Variants in VDAC2 observed in about 807,000 individuals in gnomAD.
VDAC2 encodes the protein non-selective voltage-gated ion channel VDAC2.
Under a neutral mutation model 36.6 loss-of-function variants are expected in VDAC2, and 6 were observed. The observed-to-expected ratio is 0.16, with a 90% CI of 0.09 to 0.32. VDAC2 has a LOEUF of 0.32. Among genes scored for constraint, VDAC2 ranks in the 10% least tolerant of loss-of-function variants. The pLI is 1.00. For synonymous variants in VDAC2, 109 were observed against 123.8 expected (o/e 0.88, Z 0.79); for missense variants, 247 against 346.0 (o/e 0.71, Z 2.27).
At chr10:75,213,698 C>G (rs1018637412) in intron 3 of VDAC2, among the ~76,000 whole-genome samples, 1 of 152,066 alleles carries the variant, frequency 6.6e-6, no homozygotes, top group Non-Finnish European at 1.5e-5. Flanking sequence ...GAGCTGAGAT[C>G]GTGCCACTGC....
chr10:75,220,017 A>C (rs754087458), intron 6 of VDAC2, among the ~76,000 whole-genome samples: 1 of 149,466 alleles, frequency 6.7e-6, no homozygotes, highest in Non-Finnish European at 1.5e-5. Context: ...TGGTAGAGAC[A>C]GGGTTTCACC....
chr10:75,222,561 T>C (rs754119921), intron 8 of VDAC2, among the ~76,000 whole-genome samples, 159 bp downstream of exon 8: 1 of 152,242 alleles, frequency 6.6e-6, no homozygotes, highest in African/African-American at 2.4e-5. Flanking sequence ...ATGGATACAG[T>C]GTTAGACGTT....
At chr10:75,228,572 G>T (rs1842024202) in intron 8 of VDAC2, among the ~76,000 whole-genome samples, 1 of 152,188 alleles carries the variant, frequency 6.6e-6, no homozygotes, top group Non-Finnish European at 1.5e-5. Flanking sequence ...TTCTTTAGAT[G>T]GTCATTGGTA....
intron 4 of VDAC2, among the ~76,000 whole-genome samples, chr10:75,214,364 T>G (rs971168056): frequency 6.6e-6 from 1 of 152,200 alleles, no homozygotes; most frequent in Non-Finnish European, 1.5e-5. Flanking sequence ...TATTAGACTT[T>G]TTTGTAACCC....
intron 4 of VDAC2, 123 bp from the exon 5 acceptor site, chr10:75,218,940 C>G: frequency 1.1e-6 from 1 of 943,280 alleles, no homozygotes; most frequent in South Asian, 1.9e-5. Context: ...GTTTAGGAAG[C>G]TAGAAAAAGG....
chr10:75,212,755 TTC>T (rs1349048163), intron 3 of VDAC2, among the ~76,000 whole-genome samples: 3 of 152,216 alleles, frequency 2.0e-5, no homozygotes, highest in African/African-American at 7.2e-5. Context: ...GTGAAAATAG[TTC>T]TTTTACAGTC....
chr10:75,220,886 C>T lies in VDAC2; in HGVS notation c.500C>T (p.Thr167Ile). The change falls in exon 7 of 10, where the codon ACC becomes ATC. Residue 167 changes from threonine to isoleucine, a missense_variant. By Grantham distance (89) the Thr-to-Ile change is moderately conservative. Transcript: ENST00000332211. ...GGCTGGCTTGCTGGCTACCAGATGA[C>T]CTTTGACAGTGCCAAATCAAAGCTG... is the stretch of plus-strand genomic sequence containing the variant. Reference protein sequence around the residue: ...YEGWLAGYQMTFDSAKSKLTR... With the variant: ...YEGWLAGYQMIFDSAKSKLTR... 1 of 1,613,752 alleles carries T rather than the reference C, an allele frequency of 6.2e-7. No individual in the cohort carries two copies. Among genetic ancestry groups the T allele is most frequent in the Non-Finnish European group, 8.5e-7 (1 of 1,179,656 alleles).
chr10:75,226,424 A>G lies in VDAC2; in HGVS notation c.736-3220A>G, dbSNP rs372054000. Among the ~76,000 whole-genome samples the G allele has an allele frequency of 1.3e-4, 19 of 149,190 alleles. 1 individual carries two copies. The East Asian group carries it at 3.7e-3, about 29-fold the overall frequency. On this transcript the variant is annotated intron_variant, in intron 8 of 9. Transcript: ENST00000332211. ...TCGGTTCCTGAAACAGCTCCAGAGCATAAAAGTGAAAGACAGTCTTTTGTG... is the reference window on the plus strand; with the variant it reads ...TCGGTTCCTGAAACAGCTCCAGAGCGTAAAAGTGAAAGACAGTCTTTTGTG...
intron 3 of VDAC2, 113 bp downstream of exon 3, chr10:75,212,411 T>A: frequency 1.0e-6 from 1 of 986,522 alleles, no homozygotes; most frequent in Non-Finnish European, 1.5e-6. Context: ...TGCTTTAAAT[T>A]TAGAGTTACT....
intron 3 of VDAC2, 74 bp downstream of exon 3, chr10:75,212,372 T>A: frequency 7.8e-7 from 1 of 1,275,888 alleles, no homozygotes; most frequent in Non-Finnish European, 1.1e-6. Context: ...CGAAATCAGA[T>A]CAATCATTGC....
chr10:75,222,501 TC>T, intron 8 of VDAC2, 99 bp downstream of exon 8: 1 of 1,466,632 alleles, frequency 6.8e-7, no homozygotes, highest in Non-Finnish European at 9.3e-7. Context: ...TTTCACACAG[TC>T]CCCAGTTTAC....
At chr10:75,213,281 T>C (rs900961305) in intron 3 of VDAC2, among the ~76,000 whole-genome samples, 3 of 150,794 alleles carry the variant, frequency 2.0e-5, no homozygotes, top group African/African-American at 7.3e-5. Flanking sequence ...GGTTTCACCA[T>C]GTTGGCCAGG....
At position 75,219,356 on chromosome 10, in the gene VDAC2, G is replaced by A. The variant is rs1326404925; in HGVS notation, c.356G>A (p.Gly119Glu). The A allele has an allele frequency of 6.3e-7, 1 of 1,593,156 alleles. No homozygotes were observed. The highest frequency in any genetic ancestry group is 8.6e-7 in the Non-Finnish European group (1 of 1,168,916). The change falls in exon 6 of 10, where the codon GGA becomes GAA. Residue 119 changes from glycine to glutamate, a missense_variant and splice_region_variant. Around this residue, in one of 3 missense-constraint regions of VDAC2, gnomAD observed 159 missense variants for 234.0 expected, o/e 0.68. Transcript: ENST00000332211. ...TFDTTFSPNT[G>E]KKSGKIKSSY... Reference sequence around the variant, plus strand: ...GATACTACCTTCTCACCAAACACAGGGTAAGCACAGACATTTTTATCTGTA... The same window carrying A: ...GATACTACCTTCTCACCAAACACAGAGTAAGCACAGACATTTTTATCTGTA...
intron 9 of VDAC2, among the ~76,000 whole-genome samples, chr10:75,230,326 C>T (rs1246845971): frequency 6.6e-6 from 1 of 152,158 alleles, no homozygotes; most frequent in African/African-American, 2.4e-5. Context: ...CAATTATTAA[C>T]AATTTATTAA....
At chr10:75,210,477 C>CGCGCCG (rs1396937645), upstream of VDAC2, among the ~76,000 whole-genome samples, 63 of 152,322 alleles carry the variant, frequency 4.1e-4, no homozygotes, top group East Asian at 9.7e-3. Context: ...GCCCCGGCCA[C>CGCGCCG]GCGCCGACGC....
At position 75,230,938 on chromosome 10, in the gene VDAC2, C is replaced by T; in HGVS notation, c.834C>T (p.Ser278=). ...LTLSALVDGK[S]INAGGHKVGL... is the part of the protein sequence containing the mutation. ...TCTCTGCTCTGGTAGATGGGAAGAG[C>T]ATTAATGCTGGAGGCCACAAGGTTG... is the stretch of plus-strand genomic sequence containing the variant. Residue 278 remains serine, a synonymous_variant, in exon 10 of 10, where the codon AGC becomes AGT. Coordinates refer to ENST00000332211, the MANE Select transcript of VDAC2 (RefSeq NM_001391963.1). 1.2e-6 allele frequency: 2 copies of T among 1,613,472 alleles called. No individual in the cohort carries two copies. The highest frequency in any genetic ancestry group is 2.2e-5 in the South Asian group (2 of 91,028).
At chr10:75,214,634 C>T (rs1261871237) in intron 4 of VDAC2, among the ~76,000 whole-genome samples, 1 of 152,070 alleles carries the variant, frequency 6.6e-6, no homozygotes, top group Middle Eastern at 3.2e-3. Flanking sequence ...AGGTGATTCT[C>T]TTGCCTCAGC....
chr10:75,215,889 T>G (rs943038207), intron 4 of VDAC2, among the ~76,000 whole-genome samples: 4 of 151,646 alleles, frequency 2.6e-5, no homozygotes, highest in African/African-American at 9.7e-5. Flanking sequence ...GCCCCGCTAA[T>G]TTTTGTATTT....
At chr10:75,228,379 C>A (rs1194879413) in intron 8 of VDAC2, among the ~76,000 whole-genome samples, 2 of 152,104 alleles carry the variant, frequency 1.3e-5, no homozygotes, top group South Asian at 4.1e-4. Context: ...ACTCACCCCC[C>A]ACTTCCCTGG....
Sources: gnomAD v4.1 joint callset for allele counts (sites outside exome capture counted in the v4.1 genomes callset) on GRCh38, gnomAD v4.1.1 for gene constraint, gnomAD v4.1.1 regional missense constraint, MANE v1.5 for transcripts, NCBI Gene and HGNC (gene_info 2026-07-23, HGNC 2026-07-21) for gene names.